Variants in PHACTR3 observed in about 807,000 individuals in gnomAD.
The protein encoded by PHACTR3 is phosphatase and actin regulator 3.
In PHACTR3, 16 loss-of-function variants were observed where a neutral mutation model predicts 66.8. The ratio of observed to expected loss-of-function variants is 0.24; its 90% CI spans 0.16 to 0.36. The LOEUF (loss-of-function observed/expected upper bound fraction) is 0.36. PHACTR3 is among the 10% of genes least tolerant of loss of function. The probability of loss-of-function intolerance (pLI) is 1.00; values close to 1 mark genes in which losing one functional copy is unlikely to be tolerated. For synonymous variants in PHACTR3, 323 were observed against 292.1 expected, an observed-to-expected ratio of 1.11 and a Z score of -1.08; for missense variants, 647 against 719.9, an observed-to-expected ratio of 0.90 and a Z score of 1.16.
At position 59,743,275 on chromosome 20, in the gene PHACTR3, G is replaced by C. The variant is rs376628816; in HGVS notation, c.280+7G>C. The C allele has an allele frequency of 6.2e-6, 10 of 1,613,640 alleles. No homozygotes were observed. Among genetic ancestry groups the C allele is most frequent in the Non-Finnish European group, 8.5e-6 (10 of 1,179,766 alleles). On this transcript the variant is annotated splice_region_variant and intron_variant, in intron 2 of 12. Transcript: ENST00000371015. ...CTGAAGCAGACAACGTCAGGTAAAG[G>C]CCTGGTGACAGGCGCGGGCAGGCTG...
intron 7 of PHACTR3, among the ~76,000 whole-genome samples, chr20:59,795,264 A>G (rs1431624535): frequency 6.6e-6 from 1 of 151,628 alleles, no homozygotes; most frequent in African/African-American, 2.4e-5. Context: ...CAGGAGCATG[A>G]TGTTTTATTT....
intron 7 of PHACTR3, among the ~76,000 whole-genome samples, chr20:59,800,631 C>T (rs143484368): frequency 7.2e-4 from 110 of 152,324 alleles, no homozygotes; most frequent in African/African-American, 2.6e-3. Context: ...ATGGCCCAGA[C>T]ACAGTTTTCT....
rs146922735 is a variant in PHACTR3 at position 59,585,963 on chromosome 20, C to A, written c.109+8346C>A. On this transcript the variant is annotated intron_variant, in intron 1 of 12. Transcript: ENST00000359926. ...CTGGCTCTTCCTCCTGAAAACATGT[C>A]GTATTTTTAGACCGTCTTGAATGAT... Among the ~76,000 whole-genome samples the A allele has an allele frequency of 5.3e-5, 8 of 152,330 alleles. No individual in the cohort carries two copies. In the East Asian group the frequency reaches 1.4e-3, roughly 26 times the overall value.
At chr20:59,817,914 G>T (rs527860668) in intron 8 of PHACTR3, among the ~76,000 whole-genome samples, 15 of 152,222 alleles carry the variant, frequency 9.9e-5, no homozygotes, top group South Asian at 2.1e-4. Flanking sequence ...CTTGTATTGG[G>T]AGAAGTACAT....
At chr20:59,688,380 T>A (rs1391349175) in intron 1 of PHACTR3, among the ~76,000 whole-genome samples, 2 of 152,192 alleles carry the variant, frequency 1.3e-5, no homozygotes, top group Non-Finnish European at 2.9e-5. Flanking sequence ...TTATCCCTGG[T>A]GGAACAGCAT....
At position 59,828,186 on chromosome 20, in the gene PHACTR3, G is replaced by A. The variant is rs537506313; in HGVS notation, c.1329-8319G>A. 5.9e-5 allele frequency among the ~76,000 whole-genome samples: 9 copies of A among 152,100 alleles called. No homozygotes were observed. The South Asian group carries it at 1.7e-3, about 28-fold the overall frequency. Reference sequence around the variant, plus strand: ...ATTTTGGTGGAGCTGTATTACAGGTGGCGTCTCCTGGAATGCAAAATGCCA... The same window carrying A: ...ATTTTGGTGGAGCTGTATTACAGGTAGCGTCTCCTGGAATGCAAAATGCCA... On this transcript the variant is annotated intron_variant, in intron 8 of 12. Coordinates refer to ENST00000371015, the MANE Select transcript of PHACTR3 (RefSeq NM_080672.5).
At chr20:59,773,026 A>T (rs2275388) in intron 5 of PHACTR3, among the ~76,000 whole-genome samples, 32,802 of 152,094 alleles carry the variant, frequency 0.22, 3,660 homozygotes, top group East Asian at 0.29. Flanking sequence ...TGCAGGGAGG[A>T]TGCTGGTGCT....
At chr20:59,803,906 G>A (rs184634410) in intron 7 of PHACTR3, among the ~76,000 whole-genome samples, 1 of 152,288 alleles carries the variant, frequency 6.6e-6, no homozygotes, top group East Asian at 1.9e-4. Context: ...GGTGATGTCT[G>A]TCACACAATC....
In PHACTR3 at chr20:59,767,350, A is replaced by C. The variant is rs1457912590; in HGVS notation, c.706A>C (p.Thr236Pro). The C allele has an allele frequency of 1.2e-6, 2 of 1,613,842 alleles. No homozygotes were observed. The highest frequency in any genetic ancestry group is 3.3e-5 in the Admixed American group (2 of 59,980). The change falls in exon 5 of 13, where the codon ACT (threonine) becomes CCT (proline). Residue 236 changes from threonine (T) to proline (P), a missense_variant. By Grantham distance (38) the Thr-to-Pro change is conservative. Around this residue, in one of 2 missense-constraint regions of PHACTR3, gnomAD observed 577 missense variants for 571.1 expected, o/e 1.01. Coordinates refer to ENST00000371015, the MANE Select transcript of PHACTR3 (RefSeq NM_080672.5). Reference protein sequence around the residue: ...GQLPSPPLLPTPPPKASSKTT... With the variant: ...GQLPSPPLLPPPPPKASSKTT... ...GCTCCCCAGCCCCCCACTGCTGCCC[A>C]CTCCGCCACCCAAGGCAAGCTCCAA...
intron 1 of PHACTR3, among the ~76,000 whole-genome samples, chr20:59,694,400 A>G (rs897792507): frequency 1.1e-4 from 17 of 151,988 alleles, no homozygotes; most frequent in South Asian, 2.1e-4. Context: ...ACTCACTATT[A>G]TATCATTGGC....
At chr20:59,845,873 TTC>T (rs2059138326) in intron 12 of PHACTR3, among the ~76,000 whole-genome samples, 1 of 152,192 alleles carries the variant, frequency 6.6e-6, no homozygotes, top group Non-Finnish European at 1.5e-5. Context: ...GATGAATATA[TTC>T]TCTGTCTATG....
At chr20:59,677,970 C>G (rs900349097) in intron 1 of PHACTR3, among the ~76,000 whole-genome samples, 1 of 152,140 alleles carries the variant, frequency 6.6e-6, no homozygotes, top group Non-Finnish European at 1.5e-5. Flanking sequence ...GAAGCATTCC[C>G]AATAAGATGT....
intron 1 of PHACTR3, among the ~76,000 whole-genome samples, chr20:59,616,631 G>T (rs1163604507): frequency 6.6e-6 from 1 of 152,188 alleles, no homozygotes; most frequent in Non-Finnish European, 1.5e-5. Flanking sequence ...TCTCATTCCA[G>T]CTGGGACGTG....
At chr20:59,605,846 C>CGGGGGGGGGGGG (rs200107140) in intron 1 of PHACTR3, among the ~76,000 whole-genome samples, 2 of 7,770 alleles carry the variant, frequency 2.6e-4, no homozygotes, top group African/African-American at 1.8e-3. Flanking sequence ...CCTAATAAAG[C>CGGGGGGGGGGGG]GGGGGGGGAG....
chr20:59,815,328 C>G (rs887495632), intron 8 of PHACTR3, among the ~76,000 whole-genome samples: 41 of 151,780 alleles, frequency 2.7e-4, no homozygotes, highest in African/African-American at 9.9e-4. Context: ...TACCCAGGAT[C>G]GTTCTTGATC....
intron 1 of PHACTR3, chr20:59,628,377 G>A (rs976662178): frequency 6.5e-6 from 1 of 153,062 alleles, no homozygotes; most frequent in Non-Finnish European, 1.5e-5. Context: ...GACAAGGGTT[G>A]CCATTGAGGC....
intron 1 of PHACTR3, among the ~76,000 whole-genome samples, chr20:59,720,658 C>T (rs2038259097): frequency 6.6e-6 from 1 of 152,226 alleles, no homozygotes; most frequent in South Asian, 2.1e-4. Flanking sequence ...AGTACATCAG[C>T]TCTTCCAAAT....
chr20:59,608,058 C>T (rs911205226), intron 1 of PHACTR3, among the ~76,000 whole-genome samples: 6 of 152,148 alleles, frequency 3.9e-5, no homozygotes, highest in South Asian at 2.1e-4. Flanking sequence ...TCACACTTTC[C>T]GTAATCTATG....
At chr20:59,794,123 CAAAAA>C (rs71183186) in intron 7 of PHACTR3, among the ~76,000 whole-genome samples, 4 of 97,856 alleles carry the variant, frequency 4.1e-5, no homozygotes, top group Non-Finnish European at 5.6e-5. Flanking sequence ...GACTCCATCT[CAAAAA>C]AAAAAAAAAA....
Sources: gnomAD v4.1 joint callset for allele counts (sites outside exome capture counted in the v4.1 genomes callset) on GRCh38, gnomAD v4.1.1 for gene constraint, gnomAD v4.1.1 regional missense constraint, MANE v1.5 for transcripts, NCBI Gene and HGNC (gene_info 2026-07-23, HGNC 2026-07-21) for gene names.